Variants in C1orf21 observed in about 807,000 individuals in gnomAD.
The protein encoded by C1orf21 is chromosome 1 open reading frame 21.
C1orf21 carries 3 observed loss-of-function variants against 18.7 expected under a neutral mutation model. That is an observed-to-expected ratio of 0.16 (90% CI 0.07 to 0.42). The LOEUF (loss-of-function observed/expected upper bound fraction) is 0.42. Among genes scored for constraint, C1orf21 ranks in the 10% least tolerant of loss-of-function variants. C1orf21 has a pLI of 0.99. For synonymous variants in C1orf21, 41 were observed against 46.4 expected (o/e 0.88, Z 0.47); for missense variants, 104 against 143.6 (o/e 0.72, Z 1.41).
chr1:184,455,231 G>A (rs540815934), intron 1 of C1orf21, among the ~76,000 whole-genome samples: 79 of 152,292 alleles, frequency 5.2e-4, no homozygotes, highest in African/African-American at 1.8e-3. Context: ...TCTCTTAAAA[G>A]TCAGAAGGAG....
intron 3 of C1orf21, among the ~76,000 whole-genome samples, chr1:184,584,130 C>CT (rs1220752076): frequency 2.4e-5 from 2 of 81,860 alleles, no homozygotes; most frequent in African/African-American, 9.7e-5. Flanking sequence ...GCTTGTTCTT[C>CT]TTCTTTTTTT....
chr1:184,401,243 G>T (rs1656147183), intron 1 of C1orf21, among the ~76,000 whole-genome samples: 1 of 151,834 alleles, frequency 6.6e-6, no homozygotes, highest in African/African-American at 2.4e-5. Context: ...TTTTTGAGAT[G>T]GAGTTTCACT....
chr1:184,426,493 T>C (rs79884206), intron 1 of C1orf21, among the ~76,000 whole-genome samples: 2,519 of 152,244 alleles, frequency 0.017, 72 homozygotes, highest in African/African-American at 0.056. Flanking sequence ...CGCTCCACCC[T>C]ATTTCATCCC....
chr1:184,616,959 A>G (rs1017097960), intron 5 of C1orf21, among the ~76,000 whole-genome samples: 3 of 152,074 alleles, frequency 2.0e-5, no homozygotes, highest in Non-Finnish European at 4.4e-5. Context: ...GTTCCCTGAC[A>G]CCTATCAGAT....
intron 1 of C1orf21, among the ~76,000 whole-genome samples, chr1:184,395,653 T>C (rs540717965): frequency 6.6e-6 from 1 of 151,974 alleles, no homozygotes; most frequent in Non-Finnish European, 1.5e-5. Context: ...GGAGTTGAGA[T>C]AAGAAAGCAC....
At chr1:184,440,530 G>A (rs1471923374) in intron 1 of C1orf21, among the ~76,000 whole-genome samples, 1 of 151,174 alleles carries the variant, frequency 6.6e-6, no homozygotes, top group African/African-American at 2.4e-5. Context: ...GGGATTACAG[G>A]CGTGAGCCAC....
intron 2 of C1orf21, among the ~76,000 whole-genome samples, chr1:184,478,898 G>A (rs557603198): frequency 2.0e-5 from 3 of 152,250 alleles, no homozygotes; most frequent in South Asian, 2.1e-4. Flanking sequence ...TAATGTTTAC[G>A]TGTAAATAAC....
chr1:184,518,353 G>T (rs977950586), intron 3 of C1orf21, among the ~76,000 whole-genome samples: 1 of 152,100 alleles, frequency 6.6e-6, no homozygotes, highest in Non-Finnish European at 1.5e-5. Context: ...AATGATTATT[G>T]TTATTGCTAG....
intron 3 of C1orf21, among the ~76,000 whole-genome samples, chr1:184,533,626 A>G (rs1201127678): frequency 1.3e-5 from 2 of 152,192 alleles, no homozygotes; most frequent in Admixed American, 6.5e-5. Context: ...ATAAAGTAAA[A>G]TTAAATTATA....
chr1:184,464,931 G>A (rs376234945), intron 1 of C1orf21, among the ~76,000 whole-genome samples: 4 of 152,034 alleles, frequency 2.6e-5, no homozygotes, highest in East Asian at 1.9e-4. Context: ...TTCTCTCTCC[G>A]CCTCTCTCTC....
In C1orf21 at chr1:184,477,564, C is replaced by G. The variant is rs200667649; in HGVS notation, c.55C>G (p.Gln19Glu). 253 of 1,613,876 alleles carry G rather than the reference C, an allele frequency of 1.6e-4. 1 individual carries two copies. In the Middle Eastern group the frequency reaches 3.5e-3, roughly 22 times the overall value. The change falls in exon 2 of 6, where the codon CAG (glutamine) becomes GAG (glutamate). Residue 19 changes from glutamine to glutamate, a missense_variant. Physicochemically the swap from Gln to Glu is conservative, Grantham distance 29 (BLOSUM62 2). Transcript: ENST00000235307. ...VATVQNEEEA[Q>E]KGKNYQNGDV... ...CACTGTTCAAAATGAAGAGGAAGCC[C>G]AGAAAGGGAAAAACTACCAGAACGG... is the stretch of plus-strand genomic sequence containing the variant.
At chr1:184,612,835 TGAGA>T (rs1241082068) in intron 5 of C1orf21, among the ~76,000 whole-genome samples, 2 of 152,192 alleles carry the variant, frequency 1.3e-5, no homozygotes, top group Non-Finnish European at 2.9e-5. Flanking sequence ...TAAGATATTT[TGAGA>T]GAGAGAGAAC....
intron 1 of C1orf21, among the ~76,000 whole-genome samples, chr1:184,444,981 G>C (rs770131662): frequency 6.6e-6 from 1 of 152,242 alleles, no homozygotes; most frequent in Non-Finnish European, 1.5e-5. Context: ...CATGTGTAGC[G>C]TGACTTGTGC....
intron 5 of C1orf21, among the ~76,000 whole-genome samples, chr1:184,601,620 C>T (rs142486420): frequency 0.014 from 2,164 of 152,092 alleles, 24 homozygotes; most frequent in Middle Eastern, 0.031. Flanking sequence ...AAAAATGATT[C>T]AGCCAGGCGC....
At chr1:184,559,907 G>A (rs969218407) in intron 3 of C1orf21, among the ~76,000 whole-genome samples, 2 of 152,086 alleles carry the variant, frequency 1.3e-5, no homozygotes, top group South Asian at 2.1e-4. Context: ...GTGAGCCACC[G>A]TTGCTGGCTG....
At chr1:184,616,660 A>G (rs538526011) in intron 5 of C1orf21, among the ~76,000 whole-genome samples, 2 of 151,878 alleles carry the variant, frequency 1.3e-5, no homozygotes, top group Non-Finnish European at 2.9e-5. Context: ...TCATGTATGC[A>G]TGTGTGTGCA....
intron 1 of C1orf21, among the ~76,000 whole-genome samples, chr1:184,406,386 C>G (rs1656248846): frequency 6.6e-6 from 1 of 151,992 alleles, no homozygotes; most frequent in Non-Finnish European, 1.5e-5. Flanking sequence ...GAGTAATACT[C>G]TTTTAAGAGA....
chr1:184,587,545 TG>T (rs1335742216), intron 3 of C1orf21, among the ~76,000 whole-genome samples: 1,837 of 151,054 alleles, frequency 0.012, 45 homozygotes, highest in African/African-American at 0.041. Context: ...TGTGTGTGTG[TG>T]TGTGTGTGTG....
chr1:184,584,983 A>T (rs1394771209), intron 3 of C1orf21, among the ~76,000 whole-genome samples: 1 of 152,260 alleles, frequency 6.6e-6, no homozygotes, highest in African/African-American at 2.4e-5. Flanking sequence ...TTGAAACTGG[A>T]TTGTCGTGAT....
Sources: gnomAD v4.1 joint callset for allele counts (sites outside exome capture counted in the v4.1 genomes callset) on GRCh38, gnomAD v4.1.1 for gene constraint, MANE v1.5 for transcripts, NCBI Gene and HGNC (gene_info 2026-07-23, HGNC 2026-07-21) for gene names.